Variants in SH3GL2 observed in about 807,000 individuals in gnomAD.
SH3GL2 encodes the protein endophilin-A1.
In SH3GL2, 24 loss-of-function variants were observed where a neutral mutation model predicts 46.0. The observed-to-expected ratio is 0.52, with a 90% CI of 0.38 to 0.73. The LOEUF is 0.73. Ranked by LOEUF, SH3GL2 falls within the 30% of genes least tolerant of loss-of-function variation. The pLI, the probability that SH3GL2 is intolerant of heterozygous loss-of-function variation, is 0.00. For missense variants in SH3GL2, 413 were observed against 424.2 expected (o/e 0.97, Z 0.23); for synonymous variants, 196 against 147.1 (o/e 1.33, Z -2.40).
chr9:17,649,205 A>G (rs1819896104), intron 1 of SH3GL2, among the ~76,000 whole-genome samples: 1 of 152,216 alleles, frequency 6.6e-6, no homozygotes, highest in Non-Finnish European at 1.5e-5. Context: ...AGCTGGAATT[A>G]CAGGCATGTG....
chr9:17,586,569 C>G (rs1370942920), intron 1 of SH3GL2, among the ~76,000 whole-genome samples: 1 of 152,104 alleles, frequency 6.6e-6, no homozygotes, highest in African/African-American at 2.4e-5. Flanking sequence ...GTAATTGACT[C>G]ACAGTTCTGC....
chr9:17,631,209 C>T (rs1026953969), intron 1 of SH3GL2, among the ~76,000 whole-genome samples: 6 of 152,168 alleles, frequency 3.9e-5, no homozygotes, highest in African/African-American at 9.7e-5. Context: ...ATCAACGGAG[C>T]AGTTTCCAAG....
At chr9:17,731,591 C>T (rs74462326) in intron 1 of SH3GL2, among the ~76,000 whole-genome samples, 45 of 152,234 alleles carry the variant, frequency 3.0e-4, no homozygotes, top group African/African-American at 1.0e-3. Context: ...ACCATGTTGG[C>T]ACTCTTATCT....
At chr9:17,733,640 A>C (rs1822243937) in intron 1 of SH3GL2, among the ~76,000 whole-genome samples, 1 of 151,428 alleles carries the variant, frequency 6.6e-6, no homozygotes, top group Non-Finnish European at 1.5e-5. Flanking sequence ...AAAGGACTAT[A>C]AATCATGCTG....
At chr9:17,780,313 C>A (rs1160938289) in intron 3 of SH3GL2, among the ~76,000 whole-genome samples, 1 of 152,018 alleles carries the variant, frequency 6.6e-6, no homozygotes, top group Non-Finnish European at 1.5e-5. Context: ...TTCTTTTGAT[C>A]TGGCTTATTT....
chr9:17,690,682 C>T (rs576860705), intron 1 of SH3GL2, among the ~76,000 whole-genome samples: 2 of 152,124 alleles, frequency 1.3e-5, no homozygotes, highest in African/African-American at 4.8e-5. Flanking sequence ...GAATTACTCT[C>T]TCTCCATTCT....
At chr9:17,598,500 A>G (rs1352833297) in intron 1 of SH3GL2, among the ~76,000 whole-genome samples, 1 of 152,208 alleles carries the variant, frequency 6.6e-6, no homozygotes, top group African/African-American at 2.4e-5. Context: ...GAGGCTGAGA[A>G]GAAACCAGGC....
chr9:17,744,421 A>C (rs1246959097), intron 1 of SH3GL2, among the ~76,000 whole-genome samples: 1 of 151,150 alleles, frequency 6.6e-6, no homozygotes, highest in Admixed American at 6.6e-5. Flanking sequence ...GCTGGAGTGC[A>C]GTGGCACGAT....
At chr9:17,636,339 G>C (rs10963170) in intron 1 of SH3GL2, among the ~76,000 whole-genome samples, 1 of 152,082 alleles carries the variant, frequency 6.6e-6, no homozygotes, top group Admixed American at 6.5e-5. Flanking sequence ...TGCCTGACCT[G>C]TCTGGAATTT....
chr9:17,627,478 G>A (rs963644055), intron 1 of SH3GL2, among the ~76,000 whole-genome samples: 1 of 152,084 alleles, frequency 6.6e-6, no homozygotes, highest in Non-Finnish European at 1.5e-5. Flanking sequence ...AGTAACAGAC[G>A]TCAAGTGTTA....
At chr9:17,717,365 A>C (rs1479443022) in intron 1 of SH3GL2, among the ~76,000 whole-genome samples, 1 of 152,026 alleles carries the variant, frequency 6.6e-6, no homozygotes, top group Non-Finnish European at 1.5e-5. Flanking sequence ...CCTCCATCCA[A>C]ATTTGTCTAG....
At chr9:17,704,174 A>C (rs1412824459) in intron 1 of SH3GL2, among the ~76,000 whole-genome samples, 1 of 151,356 alleles carries the variant, frequency 6.6e-6, no homozygotes, top group Non-Finnish European at 1.5e-5. Flanking sequence ...CAAACCAAGA[A>C]CACACTCCCA....
chr9:17,724,213 A>G (rs947205717), intron 1 of SH3GL2, among the ~76,000 whole-genome samples: 9 of 151,948 alleles, frequency 5.9e-5, no homozygotes, highest in Non-Finnish European at 1.3e-4. Flanking sequence ...ATCTGCCTTC[A>G]TGTATCATCA....
intron 1 of SH3GL2, among the ~76,000 whole-genome samples, chr9:17,587,739 A>G (rs142167999): frequency 6.6e-6 from 1 of 152,092 alleles, no homozygotes; most frequent in South Asian, 2.1e-4. Context: ...TTAGCCAGGC[A>G]TGGTGGCCTA....
At chr9:17,581,883 G>C (rs1818282532) in intron 1 of SH3GL2, among the ~76,000 whole-genome samples, 1 of 152,104 alleles carries the variant, frequency 6.6e-6, no homozygotes, top group Non-Finnish European at 1.5e-5. Context: ...ATTTTTAGTA[G>C]AGACAGGGTT....
At chr9:17,755,155 A>C (rs988877450) in intron 2 of SH3GL2, among the ~76,000 whole-genome samples, 1 of 152,186 alleles carries the variant, frequency 6.6e-6, no homozygotes, top group African/African-American at 2.4e-5. Flanking sequence ...TTTGAGGTGC[A>C]TTCCCTTAAT....
rs543056099 is a variant in SH3GL2, at chr9:17,645,975, T to G, written c.45+66688T>G. Among the ~76,000 whole-genome samples, 5 of 152,250 alleles carry G rather than the reference T, an allele frequency of 3.3e-5. No individual in the cohort carries two copies. The South Asian group carries it at 1.0e-3, about 32-fold the overall frequency. On this transcript the variant is annotated intron_variant, in intron 1 of 8. Coordinates refer to ENST00000380607, the MANE Select transcript of SH3GL2 (RefSeq NM_003026.5). ...AATATCCTGAAATATGTCTTCCAACTTGGTTCCGTTTTCCCCATCACTTTC... is the reference window on the plus strand; with the variant it reads ...AATATCCTGAAATATGTCTTCCAACGTGGTTCCGTTTTCCCCATCACTTTC...
In SH3GL2 at chr9:17,592,735, G is replaced by GAA. The variant is rs200019101; in HGVS notation, c.45+13455_45+13456dup. ...TATTTCGTCTCCCTGTTTCCTCACAGAAAAAAAACCTCTAAAACCCATGGG... is the reference window on the plus strand; with the variant it reads ...TATTTCGTCTCCCTGTTTCCTCACAGAAAAAAAAAACCTCTAAAACCCATGGG... On this transcript the variant is annotated intron_variant, in intron 1 of 8. Transcript: ENST00000380607. Among the ~76,000 whole-genome samples the GAA allele has an allele frequency of 2.6e-5, 4 of 151,982 alleles. No homozygotes were observed. In the East Asian group the frequency reaches 7.7e-4, roughly 29 times the overall value.
At chr9:17,674,749 G>A (rs1468207612) in intron 1 of SH3GL2, among the ~76,000 whole-genome samples, 1 of 152,154 alleles carries the variant, frequency 6.6e-6, no homozygotes, top group African/African-American at 2.4e-5. Flanking sequence ...ATTTGTTGCT[G>A]GCTGTCAGCT....
Sources: allele counts gnomAD v4.1 joint callset (sites outside exome capture counted in the v4.1 genomes callset), GRCh38; gene constraint gnomAD v4.1.1; transcripts MANE v1.5; gene names NCBI Gene and HGNC (gene_info 2026-07-23, HGNC 2026-07-21).